The following MAPKAP1 variants were observed in gnomAD, a reference collection of about 807,000 sequenced individuals.
The protein encoded by MAPKAP1 is target of rapamycin complex 2 subunit MAPKAP1.
Under a neutral mutation model 65.7 loss-of-function variants are expected in MAPKAP1, and 20 were observed. That is an observed-to-expected ratio of 0.30 (90% CI 0.21 to 0.44). The LOEUF is 0.44. Ranked by LOEUF, MAPKAP1 falls within the 20% of genes least tolerant of loss-of-function variation. The pLI, the probability that MAPKAP1 is intolerant of heterozygous loss-of-function variation, is 1.00. For missense variants in MAPKAP1, 423 were observed against 648.0 expected, an observed-to-expected ratio of 0.65 and a Z score of 3.77; for synonymous variants, 222 against 244.3, an observed-to-expected ratio of 0.91 and a Z score of 0.85.
intron 6 of MAPKAP1, among the ~76,000 whole-genome samples, chr9:125,545,129 T>G (rs1409058487): frequency 6.6e-6 from 1 of 152,250 alleles, no homozygotes; most frequent in African/African-American, 2.4e-5. Flanking sequence ...ACTCTGTTAC[T>G]GAATCATGCC....
chr9:125,533,050 T>C (rs747180310), intron 7 of MAPKAP1, among the ~76,000 whole-genome samples: 4 of 152,184 alleles, frequency 2.6e-5, no homozygotes, highest in Non-Finnish European at 5.9e-5. Flanking sequence ...GCTGTGTGGC[T>C]TGGATGCGTG....
At chr9:125,624,492 T>A (rs1833029504) in intron 4 of MAPKAP1, among the ~76,000 whole-genome samples, 1 of 90,434 alleles carries the variant, frequency 1.1e-5, no homozygotes, top group Admixed American at 1.0e-4. Context: ...GGGGCGCCTC[T>A]GCCCGGCCGC....
chr9:125,451,873 G>C (rs986903111), intron 10 of MAPKAP1, among the ~76,000 whole-genome samples: 6 of 148,538 alleles, frequency 4.0e-5, no homozygotes, highest in African/African-American at 1.5e-4. Context: ...GCAGTGGCGC[G>C]ATCTCAGCTC....
At chr9:125,527,992 G>A (rs1201380528) in intron 7 of MAPKAP1, among the ~76,000 whole-genome samples, 1 of 152,170 alleles carries the variant, frequency 6.6e-6, no homozygotes, top group South Asian at 2.1e-4. Context: ...TGAGAGACAC[G>A]TGGCTACGAG....
chr9:125,623,485 G>C (rs1208864191), intron 4 of MAPKAP1, among the ~76,000 whole-genome samples: 4 of 16,828 alleles, frequency 2.4e-4, no homozygotes, highest in Non-Finnish European at 6.2e-4. Flanking sequence ...CTGCCCGGCC[G>C]AGACCCCGTC....
rs1564620349 is a variant in MAPKAP1 at position 125,693,720 on chromosome 9, CGTAT to C, written c.-70+13247_-70+13250del. ...ACACGTATATATACACATATATACA[CGTAT>C]ATACACATATATACACGTATATATA... On this transcript the variant is annotated intron_variant, in intron 1 of 11. Coordinates refer to ENST00000265960, the MANE Select transcript of MAPKAP1 (RefSeq NM_001006617.3). Among the ~76,000 whole-genome samples the C allele has an allele frequency of 2.6e-4, 35 of 135,524 alleles. 1 individual carries two copies. The highest frequency in any genetic ancestry group is 6.3e-4 in the African/African-American group (21 of 33,240). The allele number at this position is 135,524 out of a possible 152,430, so 88.9% of individuals were successfully genotyped here. A position where few individuals can be genotyped will look rare whatever the true frequency, so the allele number is the denominator to read the frequency against.
rs895210484 is a variant in MAPKAP1 at position 125,439,393 on chromosome 9, G to A, written c.1444-381C>T. Reference sequence around the variant, plus strand: ...ACAAGCACATAACCTCTCTGAGCCTGCCTTTCCCTGTGTGAAGGCCGAGAA... The same window carrying A: ...ACAAGCACATAACCTCTCTGAGCCTACCTTTCCCTGTGTGAAGGCCGAGAA... On this transcript the variant is annotated intron_variant, in intron 11 of 11. Coordinates refer to ENST00000265960, the MANE Select transcript of MAPKAP1 (RefSeq NM_001006617.3). The surrounding 1 kb of genome is among the most constrained non-coding windows in gnomAD (Gnocchi z 4.0). Among the ~76,000 whole-genome samples, 7 of 152,262 alleles carry A rather than the reference G, an allele frequency of 4.6e-5. No homozygotes were observed. The highest frequency in any genetic ancestry group is 1.7e-4 in the African/African-American group (7 of 41,476).
intron 4 of MAPKAP1, among the ~76,000 whole-genome samples, chr9:125,650,822 A>G (rs1243702037): frequency 6.6e-6 from 1 of 152,218 alleles, no homozygotes; most frequent in East Asian, 1.9e-4. Context: ...TGTGATTCCT[A>G]TTTAACTCAT....
At chr9:125,511,004 C>A (rs549248897) in intron 7 of MAPKAP1, among the ~76,000 whole-genome samples, 4 of 152,212 alleles carry the variant, frequency 2.6e-5, no homozygotes, top group Non-Finnish European at 5.9e-5. Flanking sequence ...TGACTTTGGG[C>A]CAACTTAACC....
At chr9:125,690,940 G>A (rs1349203801) in intron 1 of MAPKAP1, among the ~76,000 whole-genome samples, 1 of 152,164 alleles carries the variant, frequency 6.6e-6, no homozygotes, top group African/African-American at 2.4e-5. Context: ...ACGAATTCAA[G>A]AAACAGTCAC....
At chr9:125,459,854 G>GAGA (rs1554804802) in intron 10 of MAPKAP1, among the ~76,000 whole-genome samples, 1 of 127,356 alleles carries the variant, frequency 7.9e-6, no homozygotes, top group African/African-American at 3.0e-5. Flanking sequence ...GGGAGACCGT[G>GAGA]GGGAGAGGGA....
rs117390722 is a variant in MAPKAP1 at position 125,614,887 on chromosome 9, T to C, written c.499-29160A>G. Among the ~76,000 whole-genome samples the C allele has an allele frequency of 3.0e-3, 462 of 152,280 alleles. 2 individuals are homozygous for C. The highest frequency in any genetic ancestry group is 4.4e-3 in the African/African-American group (181 of 41,580). On this transcript the variant is annotated intron_variant, in intron 4 of 11. Coordinates refer to ENST00000265960, the MANE Select transcript of MAPKAP1 (RefSeq NM_001006617.3). ...GAAGCAAGACAATTTCTTTTCAACA[T>C]GGTATTGTGAAGCAATAAAAAGAAT... is the stretch of plus-strand genomic sequence containing the variant.
chr9:125,442,391 C>G (rs1267096269), intron 11 of MAPKAP1, among the ~76,000 whole-genome samples: 1 of 152,170 alleles, frequency 6.6e-6, no homozygotes, highest in African/African-American at 2.4e-5. Context: ...TTTCTCTGCA[C>G]TTGATCTTCC....
chr9:125,612,916 C>T (rs961657062), intron 4 of MAPKAP1, among the ~76,000 whole-genome samples: 3 of 152,164 alleles, frequency 2.0e-5, no homozygotes, highest in African/African-American at 7.2e-5. Context: ...TATCTTATTA[C>T]TTTTACCCAA....
intron 4 of MAPKAP1, chr9:125,652,152 T>C (rs568598519): frequency 5.3e-6 from 7 of 1,317,376 alleles, no homozygotes; most frequent in African/African-American, 4.5e-5. Flanking sequence ...GGTGGCTTCA[T>C]GCTTTTCTGC....
chr9:125,562,220 A>G (rs999043628), intron 5 of MAPKAP1, among the ~76,000 whole-genome samples: 12 of 152,228 alleles, frequency 7.9e-5, no homozygotes, highest in African/African-American at 2.4e-4. Flanking sequence ...AATCCTCTCA[A>G]AACAAATTCA....
At chr9:125,636,420 AAT>A (rs1282636322) in intron 4 of MAPKAP1, among the ~76,000 whole-genome samples, 6 of 152,266 alleles carry the variant, frequency 3.9e-5, no homozygotes, top group Non-Finnish European at 8.8e-5. Flanking sequence ...ATCAAGATAC[AAT>A]AGAGACAAAT....
At chr9:125,604,925 C>G (rs552550489) in intron 4 of MAPKAP1, among the ~76,000 whole-genome samples, 2 of 152,302 alleles carry the variant, frequency 1.3e-5, no homozygotes, top group African/African-American at 2.4e-5. Flanking sequence ...AGCAAGTACA[C>G]CAATTATCCC....
intron 4 of MAPKAP1, among the ~76,000 whole-genome samples, chr9:125,623,217 C>A (rs1416596699): frequency 7.5e-6 from 1 of 133,166 alleles, no homozygotes; most frequent in Non-Finnish European, 1.6e-5. Context: ...CCGGCCGCCA[C>A]CCCATCTGGG....
Sources: gnomAD v4.1 joint callset for allele counts (sites outside exome capture counted in the v4.1 genomes callset) on GRCh38, gnomAD v4.1.1 for gene constraint, Gnocchi (gnomAD v3.1) non-coding constraint, MANE v1.5 for transcripts, NCBI Gene and HGNC (gene_info 2026-07-23, HGNC 2026-07-21) for gene names.